The following GRIN2A variants were observed in gnomAD, a reference collection of about 807,000 sequenced individuals.
The protein encoded by GRIN2A is glutamate receptor ionotropic, NMDA 2A.
GRIN2A carries 22 observed loss-of-function variants against 113.4 expected under a neutral mutation model. That is an observed-to-expected ratio of 0.19 (90% CI 0.14 to 0.28). The LOEUF (loss-of-function observed/expected upper bound fraction) is 0.28. Among genes scored for constraint, GRIN2A ranks in the 10% least tolerant of loss-of-function variants. The pLI, the probability that GRIN2A is intolerant of heterozygous loss-of-function variation, is 1.00. For missense variants in GRIN2A, 1,502 were observed against 1,887.0 expected (o/e 0.80, Z 3.78); for synonymous variants, 827 against 738.4 (o/e 1.12, Z -1.94).
chr16:10,110,228 AAG>A (rs2048586550), intron 2 of GRIN2A, among the ~76,000 whole-genome samples: 1 of 152,234 alleles, frequency 6.6e-6, no homozygotes, highest in Non-Finnish European at 1.5e-5. Context: ...CAGGGTAAGA[AAG>A]AGCTTGGCAA....
At chr16:9,787,447 C>T (rs1902298593) in intron 11 of GRIN2A, among the ~76,000 whole-genome samples, 1 of 152,200 alleles carries the variant, frequency 6.6e-6, no homozygotes, top group African/African-American at 2.4e-5. Context: ...CAGACTGCAC[C>T]AATGCATGCC....
At chr16:9,782,318 G>GATT (rs1901985628) in intron 11 of GRIN2A, among the ~76,000 whole-genome samples, 1 of 152,148 alleles carries the variant, frequency 6.6e-6, no homozygotes, top group Non-Finnish European at 1.5e-5. Flanking sequence ...GATGTGCATA[G>GATT]ATTATATTCA....
At chr16:9,878,516 T>C (rs1002457484) in intron 4 of GRIN2A, among the ~76,000 whole-genome samples, 7 of 152,140 alleles carry the variant, frequency 4.6e-5, no homozygotes, top group East Asian at 1.9e-4. Flanking sequence ...AGATTATCCA[T>C]TGAAAACACT....
At chr16:9,963,096 G>A (rs1219701081) in intron 2 of GRIN2A, among the ~76,000 whole-genome samples, 1 of 132,876 alleles carries the variant, frequency 7.5e-6, no homozygotes, top group Non-Finnish European at 1.6e-5. Context: ...ACAGGAAAGG[G>A]AACATCACAC....
At chr16:9,984,060 A>C (rs527906804) in intron 2 of GRIN2A, among the ~76,000 whole-genome samples, 22 of 152,140 alleles carry the variant, frequency 1.4e-4, no homozygotes, top group Non-Finnish European at 3.1e-4. Context: ...GCCAGTATTT[A>C]CTTTTTGTAT....
chr16:10,083,735 T>G (rs898975814), intron 2 of GRIN2A, among the ~76,000 whole-genome samples: 3 of 152,228 alleles, frequency 2.0e-5, no homozygotes, highest in Admixed American at 6.5e-5. Flanking sequence ...CTTGAATTCT[T>G]TCTATGAAGA....
intron 11 of GRIN2A, among the ~76,000 whole-genome samples, chr16:9,791,025 C>T (rs1596410571): frequency 6.6e-6 from 1 of 152,154 alleles, no homozygotes; most frequent in African/African-American, 2.4e-5. Flanking sequence ...TGTTTATTTT[C>T]ATATTTAATC....
chr16:10,010,935 A>G (rs947972182), intron 2 of GRIN2A, among the ~76,000 whole-genome samples: 1 of 152,186 alleles, frequency 6.6e-6, no homozygotes, highest in African/African-American at 2.4e-5. Flanking sequence ...AAGTTGTGGA[A>G]CATGGTGTCC....
chr16:10,175,914 G>C lies in GRIN2A; in HGVS notation c.414+4084C>G, dbSNP rs183505653. Among the ~76,000 whole-genome samples, 3 of 152,134 alleles carry C rather than the reference G, an allele frequency of 2.0e-5. No homozygotes were observed. The East Asian group carries it at 5.8e-4, about 29-fold the overall frequency. On this transcript the variant is annotated intron_variant, in intron 2 of 12. Coordinates refer to ENST00000330684, the MANE Select transcript of GRIN2A (RefSeq NM_001134407.3). ...GCTGGAGTGTATTTCACTTAGACAG[G>C]GTCAAAATGGCCAAGCCAAGATAAG...
chr16:10,142,230 TCA>T (rs753405389), intron 2 of GRIN2A, among the ~76,000 whole-genome samples: 7 of 151,328 alleles, frequency 4.6e-5, no homozygotes, highest in Non-Finnish European at 3.0e-5. Context: ...TATATAAGGG[TCA>T]CACACACACA....
chr16:9,899,593 C>T (rs1417447553), intron 3 of GRIN2A, among the ~76,000 whole-genome samples: 1 of 151,502 alleles, frequency 6.6e-6, no homozygotes, highest in African/African-American at 2.4e-5. Context: ...ATTCTTTCAA[C>T]ACAAATTCTA....
At chr16:9,975,371 CT>C (rs979857130) in intron 2 of GRIN2A, among the ~76,000 whole-genome samples, 91 of 152,186 alleles carry the variant, frequency 6.0e-4, no homozygotes, top group African/African-American at 2.2e-3. Flanking sequence ...AAACAGAGAA[CT>C]TTCTCCAGCT....
intron 5 of GRIN2A, among the ~76,000 whole-genome samples, chr16:9,847,897 C>G (rs1399864463): frequency 6.8e-6 from 1 of 146,422 alleles, no homozygotes; most frequent in African/African-American, 2.5e-5. Context: ...TTCTCCAAAC[C>G]AAAACAGGCC....
At chr16:9,957,510 A>G (rs147112950) in intron 2 of GRIN2A, among the ~76,000 whole-genome samples, 1 of 152,318 alleles carries the variant, frequency 6.6e-6, no homozygotes, top group African/African-American at 2.4e-5. Flanking sequence ...TTTGAAAGAC[A>G]TTACCAGTAA....
intron 2 of GRIN2A, among the ~76,000 whole-genome samples, chr16:10,102,693 T>C (rs7194337): frequency 0.93 from 142,084 of 152,162 alleles, 67,099 homozygotes; most frequent in East Asian, 1. Flanking sequence ...ATTACAGGCA[T>C]GCACCACCAT....
intron 2 of GRIN2A, among the ~76,000 whole-genome samples, chr16:10,122,246 C>G (rs1212403000): frequency 6.6e-6 from 1 of 152,214 alleles, no homozygotes; most frequent in Non-Finnish European, 1.5e-5. Context: ...AAAACTCTGG[C>G]TACAGGAGAA....
chr16:10,034,555 A>C (rs889909026), intron 2 of GRIN2A, among the ~76,000 whole-genome samples: 38 of 150,096 alleles, frequency 2.5e-4, no homozygotes, highest in African/African-American at 9.0e-4. Flanking sequence ...AAAAAAAAAA[A>C]AAAAAAAAAC....
At chr16:9,918,437 A>T (rs2044295451) in intron 3 of GRIN2A, among the ~76,000 whole-genome samples, 1 of 152,204 alleles carries the variant, frequency 6.6e-6, no homozygotes, top group Non-Finnish European at 1.5e-5. Flanking sequence ...AATTATAACA[A>T]TATGCTAGAA....
chr16:10,109,014 TAAAA>T (rs56946708), intron 2 of GRIN2A, among the ~76,000 whole-genome samples: 52,441 of 114,204 alleles, frequency 0.46, 11,319 homozygotes, highest in Admixed American at 0.6. Context: ...TGATTCTCTT[TAAAA>T]AAAAAAAAAA....
Sources: gnomAD v4.1 joint callset for allele counts (sites outside exome capture counted in the v4.1 genomes callset) on GRCh38, gnomAD v4.1.1 for gene constraint, MANE v1.5 for transcripts, NCBI Gene and HGNC (gene_info 2026-07-23, HGNC 2026-07-21) for gene names.